The following MYOM1 variants were observed in gnomAD, a reference collection of about 807,000 sequenced individuals.
MYOM1 encodes the protein myomesin 1.
A neutral mutation model predicts 205.3 loss-of-function variants in MYOM1; 164 were observed. That is an observed-to-expected ratio of 0.80 (90% CI 0.70 to 0.91). The LOEUF is 0.91. Ranked by LOEUF, MYOM1 falls within the 40% of genes least tolerant of loss-of-function variation. The pLI is 0.00. For synonymous variants in MYOM1, 772 were observed against 789.4 expected, an observed-to-expected ratio of 0.98 and a Z score of 0.37; for missense variants, 2,011 against 2,127.3, an observed-to-expected ratio of 0.95 and a Z score of 1.08.
At chr18:3,212,906 C>A (rs1387695970) in intron 2 of MYOM1, among the ~76,000 whole-genome samples, 1 of 152,240 alleles carries the variant, frequency 6.6e-6, no homozygotes, top group Non-Finnish European at 1.5e-5. Flanking sequence ...TCCCTATCTG[C>A]AGCCAATGTG....
chr18:3,078,288 C>T (rs111714486), intron 34 of MYOM1, among the ~76,000 whole-genome samples: 17,741 of 152,004 alleles, frequency 0.12, 1,144 homozygotes, highest in African/African-American at 0.15. Flanking sequence ...GTGATCCACC[C>T]GCCTCAGCCT....
At chr18:3,178,595 C>T (rs2080684324) in intron 5 of MYOM1, among the ~76,000 whole-genome samples, 1 of 152,188 alleles carries the variant, frequency 6.6e-6, no homozygotes, top group East Asian at 1.9e-4. Flanking sequence ...CCCTCCGTCC[C>T]TAAAGCACGT....
At chr18:3,190,366 C>T (rs1235338162) in intron 3 of MYOM1, 1 of 152,162 alleles carries the variant, frequency 6.6e-6, no homozygotes, top group Non-Finnish European at 1.5e-5. Context: ...TAAGCAAATG[C>T]TGCCATTGTG....
intron 37 of MYOM1, among the ~76,000 whole-genome samples, chr18:3,071,116 A>T (rs1360307747): frequency 1.3e-5 from 2 of 152,184 alleles, no homozygotes; most frequent in African/African-American, 2.4e-5. Flanking sequence ...AAAAATTATT[A>T]AAAAAAGAAA....
intron 19 of MYOM1, among the ~76,000 whole-genome samples, chr18:3,122,744 T>C (rs2079714899): frequency 6.6e-6 from 1 of 152,082 alleles, no homozygotes; most frequent in Non-Finnish European, 1.5e-5. Flanking sequence ...CATTAGACAA[T>C]TACTAGAATA....
At chr18:3,181,729 A>AT (rs2080733626) in intron 5 of MYOM1, among the ~76,000 whole-genome samples, 1 of 114,922 alleles carries the variant, frequency 8.7e-6, no homozygotes, top group Non-Finnish European at 1.7e-5. Context: ...GTGAAACTGA[A>AT]TAATTTTTTT....
chr18:3,203,170 T>G (rs903280593), intron 2 of MYOM1, among the ~76,000 whole-genome samples: 1 of 151,344 alleles, frequency 6.6e-6, no homozygotes, highest in Non-Finnish European at 1.5e-5. Flanking sequence ...CATATATAGC[T>G]TTAAGTGTTT....
chr18:3,144,311 A>G (rs2080093835), intron 13 of MYOM1, among the ~76,000 whole-genome samples: 1 of 152,196 alleles, frequency 6.6e-6, no homozygotes, highest in Non-Finnish European at 1.5e-5. Flanking sequence ...TATAAATTCT[A>G]AACTACTAAA....
At chr18:3,229,748 T>TCACCTGAG in the MYOM1 span, among the ~76,000 whole-genome samples, 1 of 152,112 alleles carries the variant, frequency 6.6e-6, no homozygotes, top group Non-Finnish European at 1.5e-5. Flanking sequence ...GGCATGCGGA[T>TCACCTGAG]CACCTGAGGT....
chr18:3,161,169 T>C (rs909125501), intron 10 of MYOM1, among the ~76,000 whole-genome samples: 1 of 152,216 alleles, frequency 6.6e-6, no homozygotes, highest in Admixed American at 6.5e-5. Context: ...GAAGGCCAGC[T>C]CCTGTCTTCC....
At chr18:3,138,312 A>C (rs1316876180) in intron 14 of MYOM1, among the ~76,000 whole-genome samples, 1 of 142,302 alleles carries the variant, frequency 7.0e-6, no homozygotes, top group East Asian at 2.4e-4. Flanking sequence ...AGGATGGTAC[A>C]TTTTTGGGAC....
intron 6 of MYOM1, among the ~76,000 whole-genome samples, chr18:3,175,329 C>T (rs2080622382): frequency 6.6e-6 from 1 of 152,162 alleles, no homozygotes; most frequent in Non-Finnish European, 1.5e-5. Context: ...TTAGGCACAT[C>T]ATGGTTTTAT....
chr18:3,173,848 T>C (rs889121786), intron 8 of MYOM1, 90 bp downstream of exon 8: 3 of 1,119,390 alleles, frequency 2.7e-6, no homozygotes, highest in African/African-American at 1.5e-5. Flanking sequence ...ATGTTATATA[T>C]AGTATGCATT....
At chr18:3,124,365 C>T (rs117261054) in intron 19 of MYOM1, among the ~76,000 whole-genome samples, 2,638 of 141,590 alleles carry the variant, frequency 0.019, 27 homozygotes, top group Non-Finnish European at 0.024. Flanking sequence ...CAGTGGCGTG[C>T]GATCTTGGCT....
At chr18:3,124,583 C>T (rs2079751048) in intron 19 of MYOM1, among the ~76,000 whole-genome samples, 1 of 152,008 alleles carries the variant, frequency 6.6e-6, no homozygotes, top group South Asian at 2.1e-4. Context: ...CCTGCCTCGG[C>T]CTCCCAAAGT....
At chr18:3,227,116 A>G in the MYOM1 span, among the ~76,000 whole-genome samples, 2 of 152,174 alleles carry the variant, frequency 1.3e-5, no homozygotes, top group African/African-American at 4.8e-5. Flanking sequence ...TTTTCTGTCT[A>G]TTCATAAATA....
At chr18:3,139,766 G>A (rs543791867) in intron 14 of MYOM1, among the ~76,000 whole-genome samples, 1 of 152,240 alleles carries the variant, frequency 6.6e-6, no homozygotes, top group East Asian at 1.9e-4. Flanking sequence ...GTCCCCTTCT[G>A]TTCCATGCCA....
the MYOM1 span, among the ~76,000 whole-genome samples, chr18:3,232,222 C>T: frequency 2.6e-5 from 4 of 151,640 alleles, no homozygotes; most frequent in African/African-American, 4.8e-5. Flanking sequence ...CCCAGCTACT[C>T]GAGAGGCTGA....
intron 22 of MYOM1, among the ~76,000 whole-genome samples, chr18:3,107,152 C>G (rs1455523919): frequency 6.6e-6 from 1 of 152,120 alleles, no homozygotes; most frequent in African/African-American, 2.4e-5. Context: ...GAGTCTCACT[C>G]TGTTGCCCAG....
Sources: allele counts gnomAD v4.1 joint callset (sites outside exome capture counted in the v4.1 genomes callset), GRCh38; gene constraint gnomAD v4.1.1; transcripts MANE v1.5; gene names NCBI Gene and HGNC (gene_info 2026-07-23, HGNC 2026-07-21).